ROBO2: variants seen among roughly 807,000 people sequenced by gnomAD.
ROBO2 encodes roundabout guidance receptor 2.
ROBO2 carries 53 observed loss-of-function variants against 160.8 expected under a neutral mutation model. The observed-to-expected ratio is 0.33, with a 90% CI of 0.26 to 0.41. The LOEUF (loss-of-function observed/expected upper bound fraction) is 0.41. Ranked by LOEUF, ROBO2 falls within the 10% of genes least tolerant of loss-of-function variation. The pLI is 1.00. For missense variants in ROBO2, 1,577 were observed against 1,722.4 expected (o/e 0.92, Z 1.49); for synonymous variants, 664 against 611.7 (o/e 1.09, Z -1.26).
intron 2 of ROBO2, among the ~76,000 whole-genome samples, chr3:76,884,367 C>T (rs2073669079): frequency 6.6e-6 from 1 of 152,220 alleles, no homozygotes; most frequent in Non-Finnish European, 1.5e-5. Flanking sequence ...AGCTGCACCA[C>T]ACATCAGAGA....
At chr3:76,140,117 A>G (rs773750041) in intron 2 of ROBO2, among the ~76,000 whole-genome samples, 5 of 152,080 alleles carry the variant, frequency 3.3e-5, no homozygotes, top group Non-Finnish European at 5.9e-5. Context: ...TTTTGACTAT[A>G]TGAGCTAGCA....
At chr3:77,349,892 G>C (rs1207983658) in intron 2 of ROBO2, among the ~76,000 whole-genome samples, 1 of 151,862 alleles carries the variant, frequency 6.6e-6, no homozygotes, top group African/African-American at 2.4e-5. Context: ...CCTGTCTATA[G>C]AAGAAAAATC....
intron 2 of ROBO2, among the ~76,000 whole-genome samples, chr3:76,358,962 C>A (rs553290267): frequency 5.6e-5 from 8 of 142,048 alleles, no homozygotes; most frequent in Non-Finnish European, 9.1e-5. Context: ...GTGATGTTCC[C>A]CTTCCTGAGT....
At chr3:76,456,869 G>A (rs553355361) in intron 2 of ROBO2, among the ~76,000 whole-genome samples, 1 of 152,262 alleles carries the variant, frequency 6.6e-6, no homozygotes, top group South Asian at 2.1e-4. Flanking sequence ...TGAGAAAGAA[G>A]CAAAGGCAGA....
At chr3:75,908,059 G>A (rs556767429) in intron 1 of ROBO2, among the ~76,000 whole-genome samples, 1 of 152,168 alleles carries the variant, frequency 6.6e-6, no homozygotes, top group African/African-American at 2.4e-5. Context: ...TGTGGGCCTT[G>A]CTGAATACCT....
At position 76,014,882 on chromosome 3, in the gene ROBO2, C is replaced by T. The variant is rs182531452; in HGVS notation, c.109+77280C>T. On this transcript the variant is annotated intron_variant, in intron 2 of 26. Coordinates refer to the ROBO2 transcript ENST00000487694. ...GATTGAGGTTGCAGGGAGCTGTGATCGCGCTACTGCACTCCAGTCTGAACC... is the reference window on the plus strand; with the variant it reads ...GATTGAGGTTGCAGGGAGCTGTGATTGCGCTACTGCACTCCAGTCTGAACC... Among the ~76,000 whole-genome samples the T allele has an allele frequency of 1.2e-4, 19 of 152,110 alleles. 2 individuals are homozygous for T. The highest frequency in any genetic ancestry group is 1.2e-3 in the Admixed American group (19 of 15,260).
chr3:76,905,071 G>T (rs2075502627), intron 2 of ROBO2, among the ~76,000 whole-genome samples: 1 of 152,110 alleles, frequency 6.6e-6, no homozygotes, highest in Admixed American at 6.5e-5. Context: ...CTGGAAGAAT[G>T]ACTTTGTTTC....
At chr3:77,536,391 T>G (rs1369584791) in intron 6 of ROBO2, among the ~76,000 whole-genome samples, 1 of 151,932 alleles carries the variant, frequency 6.6e-6, no homozygotes, top group Non-Finnish European at 1.5e-5. Flanking sequence ...TCTCTTTCCC[T>G]CTCTCTCTTC....
At chr3:77,638,962 GA>G (rs1263686706) in intron 24 of ROBO2, among the ~76,000 whole-genome samples, 1 of 151,674 alleles carries the variant, frequency 6.6e-6, no homozygotes, top group African/African-American at 2.4e-5. Flanking sequence ...AAGTAGCTGG[GA>G]TTACAGGCAT....
chr3:77,589,870 T>A (rs1380393324), intron 17 of ROBO2, among the ~76,000 whole-genome samples: 2 of 152,188 alleles, frequency 1.3e-5, no homozygotes, highest in African/African-American at 4.8e-5. Flanking sequence ...TTTGACATTA[T>A]TTTACAAATA....
chr3:75,926,550 T>C (rs964537371), intron 1 of ROBO2, among the ~76,000 whole-genome samples: 1 of 152,224 alleles, frequency 6.6e-6, no homozygotes, highest in African/African-American at 2.4e-5. Flanking sequence ...TTGTTAGTCT[T>C]CTAAAAACTA....
At chr3:76,157,096 G>C (rs1167387173) in intron 2 of ROBO2, among the ~76,000 whole-genome samples, 2 of 152,170 alleles carry the variant, frequency 1.3e-5, no homozygotes, top group Non-Finnish European at 2.9e-5. Flanking sequence ...GGAGTTCAAG[G>C]AATGGTCATT....
At chr3:76,252,562 G>GCA (rs772535562) in intron 2 of ROBO2, among the ~76,000 whole-genome samples, 1 of 151,572 alleles carries the variant, frequency 6.6e-6, no homozygotes, top group Admixed American at 6.6e-5. Flanking sequence ...ATTTACATAT[G>GCA]CACACACACA....
At chr3:76,837,447 C>T (rs2067801709) in intron 2 of ROBO2, among the ~76,000 whole-genome samples, 1 of 151,460 alleles carries the variant, frequency 6.6e-6, no homozygotes, top group Non-Finnish European at 1.5e-5. Context: ...TAAAATACTT[C>T]CTATCCCTTG....
At chr3:76,100,214 G>A (rs749659991) in intron 2 of ROBO2, among the ~76,000 whole-genome samples, 2 of 152,152 alleles carry the variant, frequency 1.3e-5, no homozygotes, top group Non-Finnish European at 2.9e-5. Context: ...TGTGCTTCTT[G>A]ATTTATTTAG....
chr3:77,360,411 G>A (rs1342422935), intron 2 of ROBO2, among the ~76,000 whole-genome samples: 2 of 152,086 alleles, frequency 1.3e-5, no homozygotes, highest in Non-Finnish European at 2.9e-5. Context: ...AAAGGTGGGA[G>A]TAGGTAAAAA....
intron 2 of ROBO2, among the ~76,000 whole-genome samples, chr3:77,200,267 T>TTATATATATATA (rs144644165): frequency 8.6e-5 from 4 of 46,584 alleles, no homozygotes; most frequent in Non-Finnish European, 1.1e-4. Context: ...CTAACATATT[T>TTATATATATATA]TATATATATA....
chr3:76,808,322 C>T (rs1343067763), intron 2 of ROBO2, among the ~76,000 whole-genome samples: 2 of 152,070 alleles, frequency 1.3e-5, no homozygotes, highest in Non-Finnish European at 2.9e-5. Flanking sequence ...TGAGATTGGA[C>T]ATAACTTTAC....
intron 13 of ROBO2, among the ~76,000 whole-genome samples, chr3:77,570,811 A>G (rs759038332): frequency 1.3e-4 from 19 of 151,988 alleles, no homozygotes; most frequent in Non-Finnish European, 2.6e-4. Flanking sequence ...ATAATTCCCC[A>G]CCATGTGATT....
Sources: allele counts gnomAD v4.1 joint callset (sites outside exome capture counted in the v4.1 genomes callset), GRCh38; gene constraint gnomAD v4.1.1; transcripts MANE v1.5; gene names NCBI Gene and HGNC (gene_info 2026-07-23, HGNC 2026-07-21).